Variants in BBS4 observed in about 807,000 individuals in gnomAD.
BBS4 encodes BBSome complex member BBS4.
Under a neutral mutation model 71.4 loss-of-function variants are expected in BBS4, and 58 were observed. The observed-to-expected ratio is 0.81, with a 90% CI of 0.66 to 1.01. The LOEUF (loss-of-function observed/expected upper bound fraction) is 1.01. BBS4 is among the 50% of genes least tolerant of loss of function. The pLI is 0.00. For missense variants in BBS4, 660 were observed against 607.9 expected (o/e 1.09, Z -0.90); for synonymous variants, 228 against 216.8 (o/e 1.05, Z -0.46).
rs867631948 is a variant in BBS4 at position 72,687,124 on chromosome 15, C to T, written c.24+873C>T. On this transcript the variant is annotated intron_variant, in intron 1 of 15. Transcript: ENST00000268057. ...AATTAGAAAACTCTGAAGACAGAAA[C>T]TTTTTTTTTTGAGACGGAGTGTCGC... 3.8e-3 allele frequency among the ~76,000 whole-genome samples: 291 copies of T among 76,164 alleles called. 16 individuals carry two copies. Among genetic ancestry groups the T allele is most frequent in the South Asian group, 9.5e-3 (16 of 1,676 alleles). 50.0% of individuals were successfully genotyped at this position (76,164 alleles called of 152,430 possible).
intron 8 of BBS4, among the ~76,000 whole-genome samples, chr15:72,724,924 C>G (rs1244937748): frequency 1.3e-5 from 2 of 152,026 alleles, no homozygotes; most frequent in African/African-American, 4.8e-5. Flanking sequence ...TATTAACTCA[C>G]CATTCCTTAG....
chr15:72,705,819 A>C (rs2065255013), intron 2 of BBS4, among the ~76,000 whole-genome samples: 1 of 151,872 alleles, frequency 6.6e-6, no homozygotes, highest in Non-Finnish European at 1.5e-5. Flanking sequence ...TGCTGGACTC[A>C]AGTGATCCGT....
chr15:72,731,568 T>C lies in BBS4; in HGVS notation c.878T>C (p.Leu293Pro). 6.2e-7 allele frequency: 1 copy of C among 1,614,244 alleles called. No homozygotes were observed. ...KKKYVAAISC[L>P]KRANYLAPFD... Reference sequence around the variant, plus strand: ...TCTCTCTCATAGGCCATCAGCTGCCTGAAACGAGCCAACTACTTGGCACCC... The same window carrying C: ...TCTCTCTCATAGGCCATCAGCTGCCCGAAACGAGCCAACTACTTGGCACCC... Residue 293 changes from leucine to proline, a missense_variant, in exon 12 of 16, where the codon CTG becomes CCG. Physicochemically the swap from Leu to Pro is moderately conservative, Grantham distance 98. Transcript: ENST00000268057.
At chr15:72,717,067 C>T in intron 6 of BBS4, 2 of 563,114 alleles carry the variant, frequency 3.6e-6, no homozygotes. Flanking sequence ...TGCTGACGAG[C>T]AGTCTCTTAC....
chr15:72,736,965 T>C lies in BBS4; in HGVS notation c.1450+2T>C, dbSNP rs2065938100. The C allele has an allele frequency of 1.9e-6, 3 of 1,613,864 alleles. No individual in the cohort carries two copies. The highest frequency in any genetic ancestry group is 1.7e-5 in the Admixed American group (1 of 60,008). Reference sequence around the variant, plus strand: ...CTGCATACAGGACGCTCCCCTCAGGTAGGACCATACAGAGCTCCATGAAGA... The same window carrying C: ...CTGCATACAGGACGCTCCCCTCAGGCAGGACCATACAGAGCTCCATGAAGA... On this transcript the variant is annotated splice_donor_variant, in intron 15 of 15. Coordinates refer to ENST00000268057, the MANE Select transcript of BBS4 (RefSeq NM_033028.5). LOFTEE classifies it high-confidence loss of function.
At chr15:72,697,381 T>G (rs1233191016) in intron 2 of BBS4, among the ~76,000 whole-genome samples, 2 of 152,174 alleles carry the variant, frequency 1.3e-5, no homozygotes, top group Non-Finnish European at 2.9e-5. Context: ...CTAGTTCAGG[T>G]TTTTTCAGCT....
chr15:72,728,324 CCT>C (rs2065741806), intron 9 of BBS4, among the ~76,000 whole-genome samples: 1 of 151,806 alleles, frequency 6.6e-6, no homozygotes, highest in South Asian at 2.1e-4. Context: ...ATAGTGAGAC[CCT>C]GTCTCTACAA....
chr15:72,690,519 T>A (rs1188980152), intron 1 of BBS4, among the ~76,000 whole-genome samples: 1 of 152,214 alleles, frequency 6.6e-6, no homozygotes, highest in Non-Finnish European at 1.5e-5. Flanking sequence ...TAGTAGTATA[T>A]TCCCCAAAGT....
intron 1 of BBS4, among the ~76,000 whole-genome samples, chr15:72,692,697 A>G (rs1162898270): frequency 6.6e-6 from 1 of 151,256 alleles, no homozygotes; most frequent in African/African-American, 2.4e-5. Flanking sequence ...TGGGCTTAAG[A>G]GATCCTCCCA....
At chr15:72,720,247 A>T (rs906174810) in intron 6 of BBS4, among the ~76,000 whole-genome samples, 3 of 151,914 alleles carry the variant, frequency 2.0e-5, no homozygotes, top group East Asian at 1.9e-4. Context: ...CTTTAAAAGG[A>T]TGCTGAGTGG....
rs2065599596 is a variant in BBS4, at chr15:72,722,721, T to C, written c.406-73T>C. The C allele has an allele frequency of 1.1e-5, 15 of 1,350,880 alleles. No homozygotes were observed. In the South Asian group the frequency reaches 1.5e-4, roughly 14 times the overall value. 83.7% of individuals were successfully genotyped at this position (1,350,880 alleles called of 1,614,324 possible). A position where few individuals can be genotyped will look rare whatever the true frequency, so the allele number is the denominator to read the frequency against. On this transcript the variant is annotated intron_variant, in intron 6 of 15. Coordinates refer to ENST00000268057, the MANE Select transcript of BBS4 (RefSeq NM_033028.5). ...TTGCCGAGCAATAACAATCTCTAGA[T>C]GTCTGTTGTTTCACTCTAATACTTA...
intron 2 of BBS4, among the ~76,000 whole-genome samples, chr15:72,700,023 T>A (rs1388893073): frequency 2.0e-5 from 3 of 152,196 alleles, no homozygotes; most frequent in African/African-American, 7.2e-5. Flanking sequence ...CACTGTAACC[T>A]CCGCCTCCTG....
chr15:72,729,247 G>GT (rs141392671), intron 9 of BBS4, among the ~76,000 whole-genome samples: 56 of 84,958 alleles, frequency 6.6e-4, no homozygotes, highest in African/African-American at 2.5e-3. Flanking sequence ...TGGCCAGACT[G>GT]TTTTTTTTTT....
chr15:72,720,418 G>A (rs1329670880), intron 6 of BBS4, among the ~76,000 whole-genome samples: 1 of 151,262 alleles, frequency 6.6e-6, no homozygotes, highest in East Asian at 1.9e-4. Context: ...GGTTGAGGCT[G>A]CAGTGATGCG....
At chr15:72,723,542 A>G (rs2065613364) in intron 7 of BBS4, among the ~76,000 whole-genome samples, 1 of 152,172 alleles carries the variant, frequency 6.6e-6, no homozygotes, top group Admixed American at 6.5e-5. Flanking sequence ...CCTTTCTCCG[A>G]TGCCACCAGG....
intron 9 of BBS4, among the ~76,000 whole-genome samples, chr15:72,729,164 T>C (rs1341377981): frequency 1.1e-5 from 1 of 90,762 alleles, no homozygotes; most frequent in Admixed American, 1.3e-4. Context: ...GTAGCTGCTT[T>C]TTTTTTTTTT....
At chr15:72,704,569 T>C (rs1452486340) in intron 2 of BBS4, 4 of 666,458 alleles carry the variant, frequency 6.0e-6, no homozygotes, top group Non-Finnish European at 9.1e-6. Context: ...GATAAGTAGA[T>C]AATAATGGTA....
intron 15 of BBS4, 110 bp downstream of exon 15, chr15:72,737,073 T>C (rs976814104): frequency 7.6e-6 from 10 of 1,324,374 alleles, no homozygotes; most frequent in African/African-American, 1.4e-5. Flanking sequence ...ATGTCCAACG[T>C]AGTATTGGCC....
intron 2 of BBS4, among the ~76,000 whole-genome samples, chr15:72,706,721 T>A (rs1041496772): frequency 8.5e-5 from 13 of 152,234 alleles, no homozygotes; most frequent in African/African-American, 3.1e-4. Context: ...TTTACTTTTT[T>A]TCTTGTTCCT....
Sources: gnomAD v4.1 joint callset for allele counts (sites outside exome capture counted in the v4.1 genomes callset) on GRCh38, gnomAD v4.1.1 for gene constraint, MANE v1.5 for transcripts, NCBI Gene and HGNC (gene_info 2026-07-23, HGNC 2026-07-21) for gene names.